Variants in IL1RAPL2 observed in about 807,000 individuals in gnomAD.
IL1RAPL2 encodes interleukin 1 receptor accessory protein like 2.
In IL1RAPL2, 3 loss-of-function variants were observed where a neutral mutation model predicts 44.1. That is an observed-to-expected ratio of 0.07 (90% CI 0.03 to 0.18). The LOEUF (loss-of-function observed/expected upper bound fraction) is 0.18. Ranked by LOEUF, IL1RAPL2 falls within the 10% of genes least tolerant of loss-of-function variation. The pLI is 1.00. For missense variants in IL1RAPL2, 391 were observed against 496.4 expected (o/e 0.79, Z 2.02); for synonymous variants, 181 against 178.8 (o/e 1.01, Z -0.10).
At chrX:105,493,409 C>T (rs2147779573) in intron 6 of IL1RAPL2, among the ~76,000 whole-genome samples, 1 of 112,115 alleles carries the variant, frequency 8.9e-6, no homozygotes, top group African/African-American at 3.2e-5. Flanking sequence ...AATTTCTCTA[C>T]ATTCTTGAAA....
chrX:105,759,860 T>G (rs772160766), intron 10 of IL1RAPL2, among the ~76,000 whole-genome samples: 1 of 112,257 alleles, frequency 8.9e-6, no homozygotes, highest in Non-Finnish European at 1.9e-5. Flanking sequence ...TAAGCATTCA[T>G]TGCCACTAGT....
At position 105,658,316 on chromosome X, in the gene IL1RAPL2, C is replaced by A. The variant is rs780344407; in HGVS notation, c.773-59051C>A. On this transcript the variant is annotated intron_variant, in intron 6 of 10. Transcript: ENST00000372582. ...GCCCAAGACCACAAAAGCAATACCTCCACAAGTACGCAAGAGCCACAGTAT... is the reference window on the plus strand; with the variant it reads ...GCCCAAGACCACAAAAGCAATACCTACACAAGTACGCAAGAGCCACAGTAT... 1.2e-4 allele frequency among the ~76,000 whole-genome samples: 13 copies of A among 111,609 alleles called. No individual in the cohort carries two copies. The South Asian group carries it at 4.5e-3, about 39-fold the overall frequency.
intron 1 of IL1RAPL2, among the ~76,000 whole-genome samples, chrX:104,600,589 T>C (rs768049846): frequency 1.1e-4 from 12 of 109,773 alleles, no homozygotes; most frequent in African/African-American, 4.0e-4. Flanking sequence ...AATTGTGTGA[T>C]GTTGAGATTT....
In IL1RAPL2 at chrX:105,459,894, G is replaced by GA. The variant is rs773217907; in HGVS notation, c.698-24413dup. On this transcript the variant is annotated intron_variant, in intron 5 of 10. Coordinates refer to ENST00000372582, the MANE Select transcript of IL1RAPL2 (RefSeq NM_017416.2). ...TATATACTAACTACATTTCCACGGG[G>GA]AAAAAATTAGTTGGCAAAATTGGTA... 7.2e-5 allele frequency among the ~76,000 whole-genome samples: 8 copies of GA among 111,277 alleles called. No individual in the cohort carries two copies. In the East Asian group the frequency reaches 2.3e-3, roughly 32 times the overall value.
rs1258556672 is a variant in IL1RAPL2, at chrX:105,012,674, C to CACACACACACACAGAG, written c.83-182800_83-182799insCACACACACACAGAGA. ...ACACACACACACACACACACACACA[C>CACACACACACACAGAG]AGAGAGAGAGAGAGAGAATAATAAA... On this transcript the variant is annotated intron_variant, in intron 2 of 10. Transcript: ENST00000372582. Among the ~76,000 whole-genome samples, 173 of 81,204 alleles carry CACACACACACACAGAG rather than the reference C, an allele frequency of 2.1e-3. 6 individuals are homozygous for CACACACACACACAGAG. The highest frequency in any genetic ancestry group is 9.6e-3 in the African/African-American group (162 of 16,929). 70.5% of individuals were successfully genotyped at this position (81,204 alleles called of 115,157 possible).
chrX:105,152,180 TA>T (rs34992279), intron 2 of IL1RAPL2, among the ~76,000 whole-genome samples: 2 of 110,842 alleles, frequency 1.8e-5, no homozygotes, highest in East Asian at 2.9e-4. Context: ...GGTATCACTA[TA>T]AAAAAAGTGG....
intron 2 of IL1RAPL2, among the ~76,000 whole-genome samples, chrX:104,689,737 G>T (rs1411692174): frequency 8.9e-6 from 1 of 111,743 alleles, no homozygotes; most frequent in Non-Finnish European, 1.9e-5. Context: ...ATGAGAGAAA[G>T]TGTGCCTCAT....
intron 7 of IL1RAPL2, among the ~76,000 whole-genome samples, chrX:105,718,575 T>C (rs977815522): frequency 9.0e-6 from 1 of 111,212 alleles, no homozygotes; most frequent in African/African-American, 3.3e-5. Context: ...CAAAACCACA[T>C]GATACCACTT....
At chrX:104,569,569 A>T (rs1928106879) in intron 1 of IL1RAPL2, among the ~76,000 whole-genome samples, 1 of 112,400 alleles carries the variant, frequency 8.9e-6, no homozygotes, top group South Asian at 3.7e-4. Context: ...TGCAAAGCCC[A>T]TTGAAATTTT....
At chrX:105,137,305 A>G (rs757253561) in intron 2 of IL1RAPL2, among the ~76,000 whole-genome samples, 2 of 112,558 alleles carry the variant, frequency 1.8e-5, no homozygotes, top group South Asian at 3.7e-4. Flanking sequence ...CAATAATTGC[A>G]TGTGGCTAAC....
intron 2 of IL1RAPL2, among the ~76,000 whole-genome samples, chrX:104,784,092 C>A (rs776255567): frequency 8.9e-6 from 1 of 111,995 alleles, no homozygotes; most frequent in East Asian, 2.8e-4. Context: ...CTGTTTTAGT[C>A]ACTATAAGTT....
At chrX:105,278,900 T>A in intron 5 of IL1RAPL2, among the ~76,000 whole-genome samples, 1 of 111,459 alleles carries the variant, frequency 9.0e-6, no homozygotes, top group Non-Finnish European at 1.9e-5. Context: ...GCTTCATGCT[T>A]TTTCCACTCC....
intron 4 of IL1RAPL2, among the ~76,000 whole-genome samples, chrX:105,266,633 T>G (rs181368267): frequency 8.9e-6 from 1 of 111,936 alleles, no homozygotes; most frequent in African/African-American, 3.2e-5. Context: ...TTCCCTCACA[T>G]TCCTATCAGG....
rs770014160 is a variant in IL1RAPL2, at chrX:105,156,688, G to A, written c.83-38787G>A. 1.7e-4 allele frequency among the ~76,000 whole-genome samples: 19 copies of A among 112,058 alleles called. No individual in the cohort carries two copies. In the South Asian group the frequency reaches 6.3e-3, roughly 37 times the overall value. Reference sequence around the variant, plus strand: ...TATTATATAGCTATTCATCTCAGAAGAAATTTGCTATTGCTTGAAAAATAC... The same window carrying A: ...TATTATATAGCTATTCATCTCAGAAAAAATTTGCTATTGCTTGAAAAATAC... On this transcript the variant is annotated intron_variant, in intron 2 of 10. Coordinates refer to ENST00000372582, the MANE Select transcript of IL1RAPL2 (RefSeq NM_017416.2).
intron 2 of IL1RAPL2, among the ~76,000 whole-genome samples, chrX:104,737,477 A>G (rs2042141654): frequency 8.9e-6 from 1 of 112,498 alleles, no homozygotes; most frequent in Non-Finnish European, 1.9e-5. Flanking sequence ...GCTCTGCTTT[A>G]AATAATGAAG....
intron 5 of IL1RAPL2, among the ~76,000 whole-genome samples, chrX:105,299,676 A>G (rs1301448813): frequency 2.7e-5 from 3 of 111,954 alleles, no homozygotes; most frequent in East Asian, 2.8e-4. Context: ...TTAATTTCCT[A>G]TGACCCTAAT....
At chrX:105,149,821 G>A (rs1034315047) in intron 2 of IL1RAPL2, among the ~76,000 whole-genome samples, 14 of 109,737 alleles carry the variant, frequency 1.3e-4, no homozygotes, top group African/African-American at 2.3e-4. Context: ...GTGACAGAGC[G>A]AGACTCCATC....
chrX:104,954,082 A>G lies in IL1RAPL2; in HGVS notation c.83-241393A>G, dbSNP rs139057349. 4.2e-4 allele frequency among the ~76,000 whole-genome samples: 47 copies of G among 111,981 alleles called. 1 individual carries two copies. The East Asian group carries it at 0.012, about 29-fold the overall frequency. ...TTTCTGCCCTGGGCCAATAGGTCCA[A>G]TGGAATTAATTCAGCTGGCCAGCTA... On this transcript the variant is annotated intron_variant, in intron 2 of 10. Coordinates refer to ENST00000372582, the MANE Select transcript of IL1RAPL2 (RefSeq NM_017416.2).
intron 2 of IL1RAPL2, among the ~76,000 whole-genome samples, chrX:104,964,969 A>T (rs1342262438): frequency 9.0e-6 from 1 of 110,762 alleles, no homozygotes; most frequent in Non-Finnish European, 1.9e-5. Context: ...CATCATGCCC[A>T]GTCAAGAAAC....
Sources: allele counts gnomAD v4.1 joint callset (sites outside exome capture counted in the v4.1 genomes callset), GRCh38; gene constraint gnomAD v4.1.1; transcripts MANE v1.5; gene names NCBI Gene and HGNC (gene_info 2026-07-23, HGNC 2026-07-21).